The following TRRAP variants were observed in gnomAD, a reference collection of about 807,000 sequenced individuals.
TRRAP encodes transformation/transcription domain-associated protein.
In TRRAP, 41 loss-of-function variants were observed where a neutral mutation model predicts 438.8. The observed-to-expected ratio is 0.09, with a 90% CI of 0.07 to 0.12. The LOEUF is 0.12. Among genes scored for constraint, TRRAP ranks in the 10% least tolerant of loss-of-function variants. TRRAP has a pLI of 1.00. For synonymous variants in TRRAP, 1,994 were observed against 1,962.9 expected (o/e 1.02, Z -0.42); for missense variants, 3,122 against 5,055.1 (o/e 0.62, Z 11.60).
rs782663884 is a variant in TRRAP, at chr7:98,933,235, C to T, written c.3853-6C>T. On this transcript the variant is annotated splice_region_variant and splice_polypyrimidine_tract_variant and intron_variant, in intron 26 of 72. Transcript: ENST00000456197. ...GTGAGTGGTGCCTCCTCCTTGGCTT[C>T]CCCAGGTCCTGCAGGATATGGTCCC... 1 of 1,608,310 alleles carries T rather than the reference C, an allele frequency of 6.2e-7. No homozygotes were observed. Among genetic ancestry groups the T allele is most frequent in the Non-Finnish European group, 8.5e-7 (1 of 1,177,346 alleles).
At chr7:98,898,897 A>G (rs1356043688) in intron 8 of TRRAP, among the ~76,000 whole-genome samples, 8 of 152,182 alleles carry the variant, frequency 5.3e-5, no homozygotes, top group African/African-American at 1.9e-4. Flanking sequence ...AAAAATATGC[A>G]AACCTTTAGG....
chr7:98,899,575 G>A, intron 9 of TRRAP, 76 bp downstream of exon 9: 1 of 1,604,352 alleles, frequency 6.2e-7, no homozygotes, highest in South Asian at 1.1e-5. Flanking sequence ...CAAAAGATGT[G>A]TATAATACAC....
At chr7:98,905,168 T>G (rs2116377236) in intron 12 of TRRAP, among the ~76,000 whole-genome samples, 1 of 152,192 alleles carries the variant, frequency 6.6e-6, no homozygotes, top group South Asian at 2.1e-4. Flanking sequence ...CCTCTGTGCC[T>G]CCTTCATCTT....
intron 49 of TRRAP, 73 bp downstream of exon 49, chr7:98,965,968 T>C (rs1792134587): frequency 3.2e-6 from 5 of 1,545,646 alleles, no homozygotes; most frequent in East Asian, 4.7e-5. Flanking sequence ...TCTTGGTCTT[T>C]CTGAAACTTG....
Position 98,987,205 on chromosome 7 carries a change from TAG to T in TRRAP, c.9390-1557_9390-1556del, listed in dbSNP as rs561167053. Among the ~76,000 whole-genome samples, 185 of 152,332 alleles carry T rather than the reference TAG, an allele frequency of 1.2e-3. 1 individual carries two copies. Among genetic ancestry groups the T allele is most frequent in the African/African-American group, 3.9e-3 (163 of 41,578 alleles). ...ACTTCTATTCCATTGATCTGCTATG[TAG>T]AGTCTCATATTTCCATATGAATTTT... On this transcript the variant is annotated intron_variant, in intron 62 of 72. Transcript: ENST00000456197.
In TRRAP at chr7:98,976,618, G is replaced by A. The variant is rs778834792; in HGVS notation, c.8095G>A (p.Val2699Ile). 13 of 1,614,078 alleles carry A rather than the reference G, an allele frequency of 8.1e-6. No homozygotes were observed. The highest frequency in any genetic ancestry group is 1.6e-4 in the Middle Eastern group (1 of 6,084). ...GCCGCCAATCCCCATCCGACCCTGC[G>A]TCCTGAAGTACCTGGGGAAGACACA... ...CVPPIPIRPC[V>I]LKYLGKTHNL... is the part of the protein sequence containing the mutation. The change falls in exon 55 of 73, where the codon GTC becomes ATC. Residue 2699 changes from valine (V) to isoleucine (I), a missense_variant. Val to Ile is a conservative substitution (Grantham distance 29). This residue lies in a region of TRRAP where 992 missense variants were observed against 1,281.2 expected (regional missense o/e 0.77). Coordinates refer to ENST00000456197, the MANE Select transcript of TRRAP (RefSeq NM_001375524.1). This position sits in a 1 kb window ranked among gnomAD's most constrained non-coding sequence, Gnocchi z 4.6.
Position 98,900,656 on chromosome 7 carries a change from C to T in TRRAP, c.833C>T (p.Ala278Val). ...AAGCTTTACAACAAGGAGTTGTATG[C>T]TGACTTCATTGCTGCTCAGATTAAA... Reference protein sequence around the residue: ...QHKLYNKELYADFIAAQIKTL... With the variant: ...QHKLYNKELYVDFIAAQIKTL... Residue 278 changes from alanine to valine, a missense_variant, in exon 11 of 73, where the codon GCT (alanine) becomes GTT (valine). By Grantham distance (64) the Ala-to-Val change is moderately conservative. Transcript: ENST00000456197. 1.9e-6 allele frequency: 3 copies of T among 1,613,400 alleles called. No homozygotes were observed. The highest frequency in any genetic ancestry group is 2.5e-6 in the Non-Finnish European group (3 of 1,179,924).
rs149982238 is a variant in TRRAP, at chr7:99,007,122, A to G, written c.10754-1255A>G. Among the ~76,000 whole-genome samples the G allele has an allele frequency of 1.5e-3, 221 of 152,352 alleles. 3 individuals are homozygous for G. The East Asian group carries it at 0.017, about 12-fold the overall frequency. ...CAGGGATTTACACATTAATGGGGCT[A>G]GACGATCAGGTTGATGCTGGTTGCT... On this transcript the variant is annotated intron_variant, in intron 69 of 72. Coordinates refer to ENST00000456197, the MANE Select transcript of TRRAP (RefSeq NM_001375524.1).
chr7:99,004,207 C>T lies in TRRAP; in HGVS notation c.10327C>T (p.Pro3443Ser). The T allele has an allele frequency of 1.2e-6, 2 of 1,611,448 alleles. No individual in the cohort carries two copies. The highest frequency in any genetic ancestry group is 1.7e-6 in the Non-Finnish European group (2 of 1,179,456). ...QFTTDFDFSV[P>S]GSMKLHNLIS... ...TTTTTAAGATTTTGACTTCAGCGTT[C>T]CAGGATCCATGAAGCTTCATAATCT... The change falls in exon 68 of 73, where the codon CCA (proline) becomes TCA (serine). Residue 3443 changes from proline (P) to serine (S), a missense_variant. Transcript: ENST00000456197.
chr7:98,972,552 A>G (rs996134185), intron 53 of TRRAP, among the ~76,000 whole-genome samples: 3 of 152,240 alleles, frequency 2.0e-5, no homozygotes, highest in Non-Finnish European at 4.4e-5. Flanking sequence ...CTCCAGGTGC[A>G]TCTGTGTTTG....
chr7:98,910,648 G>A (rs782678333), intron 16 of TRRAP, 41 bp downstream of exon 16: 1 of 1,529,162 alleles, frequency 6.5e-7, no homozygotes, highest in Non-Finnish European at 8.9e-7. Context: ...CATATGGAAA[G>A]TACCTCTTAG....
At chr7:98,992,281 G>T (rs1793460017) in intron 65 of TRRAP, 54 bp downstream of exon 65, 2 of 1,588,324 alleles carry the variant, frequency 1.3e-6, no homozygotes. Context: ...ATTCCAGGGG[G>T]TGCCCCACAT....
intron 62 of TRRAP, among the ~76,000 whole-genome samples, chr7:98,988,419 T>C (rs1001086288): frequency 2.0e-5 from 3 of 152,224 alleles, no homozygotes; most frequent in Non-Finnish European, 2.9e-5. Flanking sequence ...TGGAATGTTA[T>C]TCACTTGTTA....
intron 20 of TRRAP, among the ~76,000 whole-genome samples, chr7:98,918,671 A>G (rs1554409959): frequency 6.6e-6 from 1 of 152,222 alleles, no homozygotes; most frequent in Non-Finnish European, 1.5e-5. Context: ...TAAAGGAAAG[A>G]TATAGGTGTT....
chr7:98,946,469 CCACACGTGCACT>C (rs1562954140), intron 33 of TRRAP, among the ~76,000 whole-genome samples: 1 of 150,636 alleles, frequency 6.6e-6, no homozygotes, highest in Non-Finnish European at 1.5e-5. Context: ...TGCACACAGA[CCACACGTGCACT>C]CACACCACAC....
chr7:98,900,167 C>T (rs1796411193), intron 10 of TRRAP, among the ~76,000 whole-genome samples: 1 of 152,168 alleles, frequency 6.6e-6, no homozygotes, highest in Admixed American at 6.5e-5. Flanking sequence ...CCTTTGAAGC[C>T]TCTCGGTGAA....
chr7:98,880,259 G>GTTTT (rs1554402821), intron 1 of TRRAP, among the ~76,000 whole-genome samples: 1 of 33,504 alleles, frequency 3.0e-5, no homozygotes, highest in Admixed American at 3.7e-4. Context: ...TGTTGTTGTT[G>GTTTT]TTGTTTTTTT....
chr7:98,984,106 C>T lies in TRRAP; in HGVS notation c.9036C>T (p.Ala3012=). The T allele has an allele frequency of 6.2e-7, 1 of 1,607,502 alleles. No individual in the cohort carries two copies. The change falls in exon 61 of 73, where the codon GCC becomes GCT. Residue 3012 remains alanine (A), a synonymous_variant. Transcript: ENST00000456197. ...TTTGCCCTCTAGCGATTGTAACTGCCTATGAGAATAGCTCTCAGCATGATC... is the reference window on the plus strand; with the variant it reads ...TTTGCCCTCTAGCGATTGTAACTGCTTATGAGAATAGCTCTCAGCATGATC... ...RQHHYQAIVT[A]YENSSQHDPS...
chr7:98,945,980 G>T (rs1554416703), intron 33 of TRRAP, 30 bp downstream of exon 33: 1 of 1,423,890 alleles, frequency 7.0e-7, no homozygotes, highest in Non-Finnish European at 9.2e-7. Context: ...TACAGGAGGG[G>T]GTTGTTGTCG....
Sources: gnomAD v4.1 joint callset for allele counts (sites outside exome capture counted in the v4.1 genomes callset) on GRCh38, gnomAD v4.1.1 for gene constraint, gnomAD v4.1.1 regional missense constraint, Gnocchi (gnomAD v3.1) non-coding constraint, MANE v1.5 for transcripts, NCBI Gene and HGNC (gene_info 2026-07-23, HGNC 2026-07-21) for gene names.